Variants in CAST observed in about 807,000 individuals in gnomAD.
CAST encodes the protein calpastatin.
A neutral mutation model predicts 119.6 loss-of-function variants in CAST; 76 were observed. The observed-to-expected ratio is 0.64, with a 90% confidence interval of 0.53 to 0.77. The LOEUF is 0.77. CAST is among the 30% of genes least tolerant of loss of function. CAST has a pLI of 0.00. For synonymous variants in CAST, 319 were observed against 331.6 expected (o/e 0.96, Z 0.41); for missense variants, 953 against 946.5 (o/e 1.01, Z -0.09).
At chr5:96,713,325 G>A (rs771549416) in intron 3 of CAST, among the ~76,000 whole-genome samples, 4 of 151,932 alleles carry the variant, frequency 2.6e-5, no homozygotes, top group Non-Finnish European at 4.4e-5. Context: ...TAGAGACGGA[G>A]TTTCACTGTG....
At chr5:96,588,116 C>A (rs964174245) in intron 1 of CAST, among the ~76,000 whole-genome samples, 22 of 148,750 alleles carry the variant, frequency 1.5e-4, no homozygotes, top group African/African-American at 5.4e-4. Flanking sequence ...TTATTTTTTT[C>A]ATAAACAAAA....
chr5:96,094,769 C>T, the CAST span, among the ~76,000 whole-genome samples: 2 of 152,158 alleles, frequency 1.3e-5, no homozygotes, highest in African/African-American at 2.4e-5. Context: ...AACCTGCCAA[C>T]TTGTTTACAT....
chr5:96,386,772 C>G, the CAST span, among the ~76,000 whole-genome samples: 1 of 152,182 alleles, frequency 6.6e-6, no homozygotes, highest in Non-Finnish European at 1.5e-5. Context: ...TGAGACCAGC[C>G]TGGCCAACAT....
chr5:96,577,019 TTCCCCTTC>T (rs1319625004), intron 1 of CAST, among the ~76,000 whole-genome samples: 7 of 152,196 alleles, frequency 4.6e-5, no homozygotes, highest in African/African-American at 1.2e-4. Context: ...GTGTGTGTCG[TTCCCCTTC>T]CTATGTCCAT....
the CAST span, among the ~76,000 whole-genome samples, chr5:96,265,427 G>A: frequency 5.3e-5 from 8 of 152,080 alleles, no homozygotes; most frequent in Non-Finnish European, 1.0e-4. Context: ...CCAAAAGACC[G>A]AGAGCCATGG....
At chr5:96,758,938 G>T (rs1014131346) in intron 24 of CAST, among the ~76,000 whole-genome samples, 2 of 152,146 alleles carry the variant, frequency 1.3e-5, no homozygotes, top group Admixed American at 1.3e-4. Context: ...TGGGGAACAA[G>T]ATCTCAATTC....
the CAST span, among the ~76,000 whole-genome samples, chr5:96,277,572 TA>T: frequency 6.6e-6 from 1 of 152,090 alleles, no homozygotes; most frequent in African/African-American, 2.4e-5. Flanking sequence ...CAAGTTTGTC[TA>T]AAAAAATTTT....
intron 1 of CAST, among the ~76,000 whole-genome samples, chr5:96,594,917 G>A (rs571038080): frequency 2.0e-5 from 3 of 152,182 alleles, no homozygotes; most frequent in South Asian, 4.2e-4. Context: ...TTAATGTTTC[G>A]AGAAAGGCAA....
chr5:96,429,136 C>A, the CAST span: 2 of 788,018 alleles, frequency 2.5e-6, no homozygotes, highest in South Asian at 3.1e-5. Context: ...TTGCAAAATG[C>A]TTCTGTTTTT....
chr5:96,544,739 A>G (rs1467879414), intron 1 of CAST, among the ~76,000 whole-genome samples: 6 of 152,066 alleles, frequency 3.9e-5, no homozygotes, highest in African/African-American at 7.2e-5. Context: ...AGTTAAAAAT[A>G]TGGTAGATAT....
intron 1 of CAST, among the ~76,000 whole-genome samples, chr5:96,667,963 C>T (rs1205514568): frequency 1.3e-5 from 2 of 152,078 alleles, no homozygotes; most frequent in Non-Finnish European, 2.9e-5. Flanking sequence ...TGCAGTAAGC[C>T]GAGATTGCAC....
the CAST span, among the ~76,000 whole-genome samples, chr5:96,145,439 G>A: frequency 6.6e-6 from 1 of 152,150 alleles, no homozygotes; most frequent in Admixed American, 6.5e-5. Context: ...TATGGATGTA[G>A]AAGACAAAGA....
At chr5:96,475,150 A>G in the CAST span, among the ~76,000 whole-genome samples, 1 of 152,148 alleles carries the variant, frequency 6.6e-6, no homozygotes, top group Non-Finnish European at 1.5e-5. Flanking sequence ...GTGAGCCATG[A>G]GTGCAGCTGG....
chr5:96,543,614 G>A (rs182601027), intron 1 of CAST, among the ~76,000 whole-genome samples: 297 of 152,160 alleles, frequency 2.0e-3, no homozygotes, highest in African/African-American at 6.7e-3. Context: ...CCAACTAATC[G>A]ATGGTTTTTT....
At chr5:96,019,288 G>T in the CAST span, among the ~76,000 whole-genome samples, 1 of 152,134 alleles carries the variant, frequency 6.6e-6, no homozygotes. Context: ...CATAGTTTCT[G>T]ACCCTTATCT....
chr5:96,485,530 A>G, the CAST span, among the ~76,000 whole-genome samples: 1 of 152,192 alleles, frequency 6.6e-6, no homozygotes, highest in African/African-American at 2.4e-5. Context: ...GTAACAAGGC[A>G]GTGGGTACCA....
intron 3 of CAST, among the ~76,000 whole-genome samples, chr5:96,709,705 T>G (rs1002412648): frequency 6.6e-6 from 1 of 152,228 alleles, no homozygotes; most frequent in Admixed American, 6.5e-5. Context: ...TCTGATGATA[T>G]TCATATCACT....
the CAST span, among the ~76,000 whole-genome samples, chr5:96,330,350 CTG>C: frequency 5.3e-5 from 8 of 152,146 alleles, no homozygotes; most frequent in Admixed American, 5.2e-4. Context: ...CCCACCATCT[CTG>C]TGTCAGTGAG....
At chr5:96,009,215 A>G in the CAST span, among the ~76,000 whole-genome samples, 1 of 152,180 alleles carries the variant, frequency 6.6e-6, no homozygotes, top group African/African-American at 2.4e-5. Flanking sequence ...TCCACCACTG[A>G]TTAGCATCTA....
Sources: allele counts gnomAD v4.1 joint callset (sites outside exome capture counted in the v4.1 genomes callset), GRCh38; gene constraint gnomAD v4.1.1; transcripts MANE v1.5; gene names NCBI Gene and HGNC (gene_info 2026-07-23, HGNC 2026-07-21).